Variants in VTI1A observed in about 807,000 individuals in gnomAD.
VTI1A encodes the protein vesicle transport through interaction with t-SNAREs homolog 1A.
Under a neutral mutation model 34.9 loss-of-function variants are expected in VTI1A, and 22 were observed. That is an observed-to-expected ratio of 0.63 (90% CI 0.45 to 0.90). VTI1A has a LOEUF of 0.90. Ranked by LOEUF, VTI1A falls within the 40% of genes least tolerant of loss-of-function variation. The pLI is 0.00. For synonymous variants in VTI1A, 87 were observed against 97.3 expected, an observed-to-expected ratio of 0.89 and a Z score of 0.62; for missense variants, 268 against 275.6, an observed-to-expected ratio of 0.97 and a Z score of 0.20.
intron 7 of VTI1A, among the ~76,000 whole-genome samples, chr10:112,691,096 TAAAAATACAAAAAA>T (rs984406179): frequency 1.3e-5 from 2 of 151,826 alleles, no homozygotes; most frequent in African/African-American, 4.8e-5. Flanking sequence ...CCGTCTCTAC[TAAAAATACAAAAAA>T]ATTAGCCAGG....
At chr10:112,580,766 T>A (rs1843897985) in intron 5 of VTI1A, among the ~76,000 whole-genome samples, 3 of 152,070 alleles carry the variant, frequency 2.0e-5, no homozygotes, top group Admixed American at 2.0e-4. Context: ...ATCAGGTGAT[T>A]GACATTTCAC....
chr10:112,833,629 G>A, the VTI1A span, among the ~76,000 whole-genome samples: 2,689 of 152,220 alleles, frequency 0.018, 73 homozygotes, highest in African/African-American at 0.062. Flanking sequence ...TACCTTTGCA[G>A]CTATCCCACT....
At chr10:112,541,618 T>G (rs898551677) in intron 5 of VTI1A, among the ~76,000 whole-genome samples, 4 of 152,208 alleles carry the variant, frequency 2.6e-5, no homozygotes, top group Admixed American at 1.3e-4. Flanking sequence ...TAGAGTAGAA[T>G]AGAATGCACA....
At chr10:112,723,058 G>A (rs1233705534) in intron 7 of VTI1A, among the ~76,000 whole-genome samples, 1 of 152,164 alleles carries the variant, frequency 6.6e-6, no homozygotes, top group African/African-American at 2.4e-5. Flanking sequence ...TAATCACTCT[G>A]TGCCTCAAGT....
At chr10:112,813,805 G>A (rs140410916) in intron 7 of VTI1A, among the ~76,000 whole-genome samples, 2 of 152,282 alleles carry the variant, frequency 1.3e-5, no homozygotes, top group East Asian at 1.9e-4. Context: ...AGAACTAAAC[G>A]AGACAGATCT....
At chr10:112,594,782 A>G (rs1377971606) in intron 5 of VTI1A, among the ~76,000 whole-genome samples, 5 of 151,614 alleles carry the variant, frequency 3.3e-5, no homozygotes, top group Non-Finnish European at 5.9e-5. Flanking sequence ...GCTACCAATG[A>G]CTTTCTTCAC....
chr10:112,667,038 T>C (rs1314358781), intron 5 of VTI1A, among the ~76,000 whole-genome samples: 1 of 152,022 alleles, frequency 6.6e-6, no homozygotes, highest in Non-Finnish European at 1.5e-5. Context: ...AAGCTCTCAA[T>C]GTGGCCTAAC....
intron 3 of VTI1A, among the ~76,000 whole-genome samples, chr10:112,496,192 C>CA (rs985334396): frequency 8.7e-6 from 1 of 114,960 alleles, no homozygotes; most frequent in African/African-American, 3.3e-5. Context: ...GAGACCCCCC[C>CA]CCCCCCCCCG....
chr10:112,773,405 G>T (rs1004453541), intron 7 of VTI1A, among the ~76,000 whole-genome samples: 2 of 152,144 alleles, frequency 1.3e-5, no homozygotes, highest in Non-Finnish European at 2.9e-5. Context: ...TAACTGAACT[G>T]CTGCTTCAGA....
intron 4 of VTI1A, among the ~76,000 whole-genome samples, chr10:112,537,469 A>T (rs1018991023): frequency 6.6e-6 from 1 of 151,516 alleles, no homozygotes; most frequent in Non-Finnish European, 1.5e-5. Flanking sequence ...GAGGAAAGAA[A>T]GTTTAGAAGC....
intron 7 of VTI1A, among the ~76,000 whole-genome samples, chr10:112,810,084 G>C (rs1853230050): frequency 6.6e-6 from 1 of 151,836 alleles, no homozygotes. Context: ...CCAAAGAAAG[G>C]GTGGTTTGAT....
intron 3 of VTI1A, among the ~76,000 whole-genome samples, chr10:112,522,558 G>A (rs974997651): frequency 2.6e-5 from 4 of 152,046 alleles, no homozygotes; most frequent in Non-Finnish European, 4.4e-5. Context: ...GAATGAGAAC[G>A]TCTTAATTCT....
rs370601432 is a variant in VTI1A, at chr10:112,668,911, C to G, written c.499-26C>G. ...AGAAATAATCTAATTGCATGAACTT[C>G]TGTTTTGTTTTGTTTCTTCTTGTAG... On this transcript the variant is annotated intron_variant, in intron 6 of 7. Transcript: ENST00000393077. The G allele has an allele frequency of 7.5e-5, 120 of 1,610,324 alleles. No homozygotes were observed. In the African/African-American group the frequency reaches 1.2e-3, roughly 16 times the overall value.
intron 5 of VTI1A, among the ~76,000 whole-genome samples, chr10:112,553,689 A>G (rs1400680815): frequency 6.6e-6 from 1 of 152,200 alleles, no homozygotes; most frequent in African/African-American, 2.4e-5. Flanking sequence ...AGCTAGGCAA[A>G]GAAAGTGGAG....
At chr10:112,561,386 A>G (rs1395572922) in intron 5 of VTI1A, among the ~76,000 whole-genome samples, 1 of 152,180 alleles carries the variant, frequency 6.6e-6, no homozygotes. Context: ...TTTATCAATC[A>G]TTGGAATATA....
intron 1 of VTI1A, among the ~76,000 whole-genome samples, chr10:112,459,753 T>C (rs1440995671): frequency 9.2e-5 from 14 of 152,158 alleles, no homozygotes; most frequent in Admixed American, 8.5e-4. Context: ...CTTTCTGAAA[T>C]TGTCTGCCAG....
In VTI1A at chr10:112,538,325, A is replaced by C; in HGVS notation, c.422A>C (p.Glu141Ala). Residue 141 changes from glutamate to alanine, a missense_variant, in exon 5 of 8, where the codon GAA becomes GCA. Glu to Ala is a moderately radical substitution (Grantham distance 107). Transcript: ENST00000393077. ...RLEAGYQIAVETEQIGQEMLE... is the reference protein window; with the variant it reads ...RLEAGYQIAVATEQIGQEMLE... ...GAGGCTGGATACCAAATAGCAGTGG[A>C]AACCGGTAAGAATTCTGAGAGTGAG... 6.2e-7 allele frequency: 1 copy of C among 1,613,680 alleles called. No individual in the cohort carries two copies. The highest frequency in any genetic ancestry group is 8.5e-7 in the Non-Finnish European group (1 of 1,179,734).
chr10:112,687,820 C>G (rs1461970962), intron 7 of VTI1A, among the ~76,000 whole-genome samples: 1 of 152,000 alleles, frequency 6.6e-6, no homozygotes, highest in Non-Finnish European at 1.5e-5. Flanking sequence ...TGACAGAGTA[C>G]TTGAGAGGAC....
chr10:112,466,297 C>G (rs146565093), intron 3 of VTI1A, among the ~76,000 whole-genome samples: 1,599 of 152,210 alleles, frequency 0.011, 21 homozygotes, highest in African/African-American at 0.037. Context: ...CTCCTAGAGT[C>G]TGAAAATAGG....
Sources: allele counts gnomAD v4.1 joint callset (sites outside exome capture counted in the v4.1 genomes callset), GRCh38; gene constraint gnomAD v4.1.1; transcripts MANE v1.5; gene names NCBI Gene and HGNC (gene_info 2026-07-23, HGNC 2026-07-21).